The following ICA1 variants were observed in gnomAD, a reference collection of about 807,000 sequenced individuals.
The protein encoded by ICA1 is 69 kDa islet cell autoantigen.
In ICA1, 40 loss-of-function variants were observed where a neutral mutation model predicts 71.0. That is an observed-to-expected ratio of 0.56 (90% CI 0.44 to 0.73). ICA1 has a LOEUF of 0.73. Ranked by LOEUF, ICA1 falls within the 30% of genes least tolerant of loss-of-function variation. ICA1 has a pLI of 0.00. For missense variants in ICA1, 578 were observed against 576.5 expected (o/e 1.00, Z -0.03); for synonymous variants, 207 against 209.5 (o/e 0.99, Z 0.10).
intron 6 of ICA1, among the ~76,000 whole-genome samples, chr7:8,163,860 CTTGT>C (rs1804834121): frequency 6.6e-6 from 1 of 152,124 alleles, no homozygotes; most frequent in African/African-American, 2.4e-5. Context: ...GGAGCAGCAC[CTTGT>C]TGGCGTGCTC....
intron 1 of ICA1, among the ~76,000 whole-genome samples, chr7:8,259,978 A>T (rs1408734118): frequency 6.6e-6 from 1 of 152,196 alleles, no homozygotes; most frequent in African/African-American, 2.4e-5. Flanking sequence ...GGTTCCCATA[A>T]ATCTAGTAAT....
At chr7:8,240,566 C>A (rs568190588) in intron 1 of ICA1, among the ~76,000 whole-genome samples, 1 of 152,132 alleles carries the variant, frequency 6.6e-6, no homozygotes, top group Non-Finnish European at 1.5e-5. Flanking sequence ...ATGACTTTGA[C>A]GAGCTGACAG....
chr7:8,119,022 T>C (rs922522580), intron 13 of ICA1, among the ~76,000 whole-genome samples: 1 of 152,220 alleles, frequency 6.6e-6, no homozygotes, highest in African/African-American at 2.4e-5. Flanking sequence ...CCTCAGTTGG[T>C]CTCTGAGGCT....
At chr7:8,137,153 T>G (rs1376499100) in intron 12 of ICA1, among the ~76,000 whole-genome samples, 1 of 151,322 alleles carries the variant, frequency 6.6e-6, no homozygotes, top group East Asian at 1.9e-4. Context: ...AGTATTAGAA[T>G]AGGGAGGGGG....
At chr7:8,124,829 C>A (rs897405002) in intron 13 of ICA1, among the ~76,000 whole-genome samples, 2 of 151,968 alleles carry the variant, frequency 1.3e-5, no homozygotes, top group Non-Finnish European at 2.9e-5. Flanking sequence ...CACTCTGTCA[C>A]CCAGACTGGA....
At chr7:8,209,370 G>A (rs575693785) in intron 6 of ICA1, among the ~76,000 whole-genome samples, 1 of 152,088 alleles carries the variant, frequency 6.6e-6, no homozygotes, top group South Asian at 2.1e-4. Context: ...TCTACTTATA[G>A]AATTCAAGGA....
intron 4 of ICA1, among the ~76,000 whole-genome samples, chr7:8,227,113 T>A (rs1798824028): frequency 6.6e-6 from 1 of 152,224 alleles, no homozygotes; most frequent in Admixed American, 6.5e-5. Context: ...ATGAAAATGA[T>A]TCATTTCATG....
chr7:8,121,368 C>T (rs1327960795), intron 13 of ICA1, among the ~76,000 whole-genome samples: 4 of 152,150 alleles, frequency 2.6e-5, no homozygotes, highest in Non-Finnish European at 5.9e-5. Context: ...TGGTGAGCAA[C>T]ATAAATATGG....
At chr7:8,256,230 C>T (rs1271316307) in intron 1 of ICA1, among the ~76,000 whole-genome samples, 2 of 152,340 alleles carry the variant, frequency 1.3e-5, no homozygotes, top group African/African-American at 4.8e-5. Flanking sequence ...CACTGCCCGA[C>T]CTATCACTAT....
At chr7:8,176,741 T>A (rs1305634364) in intron 6 of ICA1, among the ~76,000 whole-genome samples, 1 of 152,204 alleles carries the variant, frequency 6.6e-6, no homozygotes, top group Non-Finnish European at 1.5e-5. Context: ...ATACCATCCC[T>A]CGTCCTTACC....
chr7:8,247,589 G>C (rs992334221), intron 1 of ICA1, among the ~76,000 whole-genome samples: 1 of 152,196 alleles, frequency 6.6e-6, no homozygotes, highest in Non-Finnish European at 1.5e-5. Context: ...AACAAGCCAG[G>C]TTTTAAGTAC....
At chr7:8,142,612 T>A (rs573104143) in intron 9 of ICA1, among the ~76,000 whole-genome samples, 1 of 152,366 alleles carries the variant, frequency 6.6e-6, no homozygotes, top group South Asian at 2.1e-4. Flanking sequence ...CACCTCTTAC[T>A]ACACAAGAGT....
intron 8 of ICA1, among the ~76,000 whole-genome samples, chr7:8,152,863 CCACCAT>C (rs1182022279): frequency 3.5e-4 from 44 of 125,634 alleles, no homozygotes; most frequent in Non-Finnish European, 6.8e-4. Context: ...ACCTCCTCCG[CCACCAT>C]CACCATCACC....
At chr7:8,198,633 A>G (rs910710180) in intron 6 of ICA1, among the ~76,000 whole-genome samples, 8 of 152,214 alleles carry the variant, frequency 5.3e-5, no homozygotes, top group Admixed American at 5.2e-4. Flanking sequence ...CCGAGATGAC[A>G]GACTTAAGAA....
At chr7:8,114,626 A>C (rs561872785) in intron 13 of ICA1, among the ~76,000 whole-genome samples, 1 of 152,154 alleles carries the variant, frequency 6.6e-6, no homozygotes, top group Non-Finnish European at 1.5e-5. Flanking sequence ...CCAGGGGGTC[A>C]ATTCCCCTCA....
At chr7:8,238,389 T>C (rs757850763) in intron 1 of ICA1, among the ~76,000 whole-genome samples, 4 of 152,214 alleles carry the variant, frequency 2.6e-5, no homozygotes, top group Non-Finnish European at 5.9e-5. Flanking sequence ...TGATTAGTGA[T>C]GTTGTGCATC....
rs1163080292 is a variant in ICA1 at position 8,132,403 on chromosome 7, C to T, written c.1061-4261G>A. Among the ~76,000 whole-genome samples, 1 of 152,158 alleles carries T rather than the reference C, an allele frequency of 6.6e-6. No individual in the cohort carries two copies. The highest frequency in any genetic ancestry group is 6.5e-5 in the Admixed American group (1 of 15,276). On this transcript the variant is annotated intron_variant, in intron 12 of 13. Coordinates refer to ENST00000402384, the MANE Select transcript of ICA1 (RefSeq NM_001136020.3). The surrounding 1 kb of genome is among the most constrained non-coding windows in gnomAD (Gnocchi z 4.5). ...CCCCTCACACTTTCAAGTTACTGTT[C>T]TGGTTTCTTCTTCCTTCCACAACCA...
chr7:8,260,850 TTTC>T (rs1183321254), intron 1 of ICA1, among the ~76,000 whole-genome samples: 1 of 152,218 alleles, frequency 6.6e-6, no homozygotes, highest in African/African-American at 2.4e-5. Context: ...AAACTAAGCA[TTTC>T]TTATTTCACT....
intron 13 of ICA1, among the ~76,000 whole-genome samples, chr7:8,126,320 A>T (rs777211927): frequency 6.6e-6 from 1 of 151,986 alleles, no homozygotes; most frequent in Non-Finnish European, 1.5e-5. Context: ...TAGCACCTCC[A>T]CCACAGGTGG....
Sources: gnomAD v4.1 joint callset for allele counts (sites outside exome capture counted in the v4.1 genomes callset) on GRCh38, gnomAD v4.1.1 for gene constraint, Gnocchi (gnomAD v3.1) non-coding constraint, MANE v1.5 for transcripts, NCBI Gene and HGNC (gene_info 2026-07-23, HGNC 2026-07-21) for gene names.